KATNBL1: variants seen among roughly 807,000 people sequenced by gnomAD.
KATNBL1 encodes the protein KATNB1-like protein 1.
A neutral mutation model predicts 44.7 loss-of-function variants in KATNBL1; 28 were observed. The ratio of observed to expected loss-of-function variants is 0.63; its 90% CI spans 0.46 to 0.86. The LOEUF (loss-of-function observed/expected upper bound fraction) is 0.86, where lower values mean the gene tolerates loss of function less well. KATNBL1 is among the 40% of genes least tolerant of loss of function. The pLI is 0.00. For synonymous variants in KATNBL1, 78 were observed against 114.9 expected, an observed-to-expected ratio of 0.68 and a Z score of 2.06; for missense variants, 272 against 350.7, an observed-to-expected ratio of 0.78 and a Z score of 1.79.
intron 1 of KATNBL1, chr15:34,178,013 C>T (rs1044967749): frequency 6.6e-6 from 1 of 152,068 alleles, no homozygotes; most frequent in Non-Finnish European, 1.5e-5. Flanking sequence ...TAATACAATA[C>T]ATAAATAAGA....
At chr15:34,172,746 GAC>G (rs751000596) in intron 1 of KATNBL1, among the ~76,000 whole-genome samples, 10 of 112,290 alleles carry the variant, frequency 8.9e-5, no homozygotes, top group Non-Finnish European at 7.1e-5. Flanking sequence ...CAGACACATA[GAC>G]ACACAGACAC....
At position 34,163,562 on chromosome 15, in the gene KATNBL1, C is replaced by T. The variant is rs535651317; in HGVS notation, c.115G>A (p.Glu39Lys). 7.5e-6 allele frequency: 12 copies of T among 1,594,186 alleles called. No individual in the cohort carries two copies. The African/African-American group carries it at 1.2e-4, about 16-fold the overall frequency. Residue 39 changes from glutamate to lysine, a missense_variant and splice_region_variant, in exon 2 of 10, where the codon GAG becomes AAG. Physicochemically the swap from Glu to Lys is moderately conservative, Grantham distance 56. This residue lies in a region of KATNBL1 where 122 missense variants were observed against 125.0 expected (regional missense o/e 0.98). Coordinates refer to ENST00000256544, the MANE Select transcript of KATNBL1 (RefSeq NM_024713.3). ...ISNFTNKNMK[E>K]VKKSPKQLAA... ...TTTTCTAGAAACCATAGACTTACCT[C>T]CTTCATGTTCTTATTAGTGAAATTA...
intron 2 of KATNBL1, among the ~76,000 whole-genome samples, chr15:34,161,268 T>C (rs989278448): frequency 2.0e-5 from 3 of 152,160 alleles, no homozygotes; most frequent in African/African-American, 7.2e-5. Flanking sequence ...TCCCCCAAGT[T>C]GTTGGTCTGT....
intron 1 of KATNBL1, among the ~76,000 whole-genome samples, chr15:34,164,390 T>TGTTTGACCCTTA (rs1888902115): frequency 6.6e-6 from 1 of 152,174 alleles, no homozygotes; most frequent in Non-Finnish European, 1.5e-5. Context: ...ACTAAATCAC[T>TGTTTGACCCTTA]GGGTCAAAAC....
chr15:34,181,231 G>T (rs1889515308), intron 1 of KATNBL1, among the ~76,000 whole-genome samples: 1 of 151,872 alleles, frequency 6.6e-6, no homozygotes, highest in South Asian at 2.1e-4. Flanking sequence ...TATTAAAAAG[G>T]CCCTAAGAAG....
chr15:34,199,089 C>T (rs1475911625), intron 1 of KATNBL1, among the ~76,000 whole-genome samples: 1 of 152,084 alleles, frequency 6.6e-6, no homozygotes, highest in Non-Finnish European at 1.5e-5. Flanking sequence ...AAAAGGGTAC[C>T]CCATCAGGTT....
chr15:34,184,576 C>CTTTTCTTTTTTTTT (rs760395860), intron 1 of KATNBL1, among the ~76,000 whole-genome samples: 1,177 of 95,094 alleles, frequency 0.012, 2 homozygotes, highest in Middle Eastern at 0.021. Context: ...CCTAATGTTT[C>CTTTTCTTTTTTTTT]TTTTTTTTTT....
At chr15:34,147,495 G>T in intron 5 of KATNBL1, 65 bp from the exon 6 acceptor site, 2 of 1,256,470 alleles carry the variant, frequency 1.6e-6, no homozygotes, top group Non-Finnish European at 2.3e-6. Flanking sequence ...TTCATATTAT[G>T]ATTATTCACA....
chr15:34,168,683 T>C (rs992726024), intron 1 of KATNBL1, among the ~76,000 whole-genome samples: 8 of 152,198 alleles, frequency 5.3e-5, no homozygotes, highest in African/African-American at 1.9e-4. Flanking sequence ...GACCACATAG[T>C]TGGAAGTAAA....
intron 1 of KATNBL1, among the ~76,000 whole-genome samples, chr15:34,198,813 A>G (rs1890092905): frequency 6.6e-6 from 1 of 152,250 alleles, no homozygotes. Context: ...TTGTAGTCAA[A>G]AAGTAACAAG....
intron 1 of KATNBL1, among the ~76,000 whole-genome samples, chr15:34,207,301 T>C (rs1390364507): frequency 6.6e-6 from 1 of 152,162 alleles, no homozygotes; most frequent in Admixed American, 6.5e-5. Flanking sequence ...CTCTGCCTCC[T>C]GGGTTCAACC....
At chr15:34,189,882 G>T in intron 1 of KATNBL1, among the ~76,000 whole-genome samples, 1 of 151,546 alleles carries the variant, frequency 6.6e-6, no homozygotes, top group East Asian at 1.9e-4. Context: ...GGAAGTGTAT[G>T]TATTCAATCC....
At chr15:34,207,107 A>T (rs1308311069) in intron 1 of KATNBL1, among the ~76,000 whole-genome samples, 1 of 148,978 alleles carries the variant, frequency 6.7e-6, no homozygotes, top group Non-Finnish European at 1.5e-5. Flanking sequence ...TGATATGATC[A>T]TGGCTCACTG....
At chr15:34,168,948 C>T (rs532965569) in intron 1 of KATNBL1, among the ~76,000 whole-genome samples, 33 of 151,928 alleles carry the variant, frequency 2.2e-4, no homozygotes, top group Non-Finnish European at 4.7e-4. Flanking sequence ...AGTGTGTAGC[C>T]GGAAATTTAT....
intron 1 of KATNBL1, among the ~76,000 whole-genome samples, chr15:34,174,579 GT>G (rs1275671035): frequency 6.6e-6 from 1 of 152,004 alleles, no homozygotes; most frequent in Non-Finnish European, 1.5e-5. Context: ...ATTATACGTT[GT>G]CCACAAGAAA....
At position 34,154,642 on chromosome 15, in the gene KATNBL1, A is replaced by T; in HGVS notation, c.158+2T>A. ...CCCCACAAACTTTAAAGAAACTCTT[A>T]CCTATTTATGTAAGCAGCCAACTGT... On this transcript the variant is annotated splice_donor_variant, in intron 3 of 9. Coordinates refer to ENST00000256544, the MANE Select transcript of KATNBL1 (RefSeq NM_024713.3). LOFTEE classifies it high-confidence loss of function. The T allele has an allele frequency of 6.4e-7, 1 of 1,566,616 alleles. No individual in the cohort carries two copies. Among genetic ancestry groups the T allele is most frequent in the Non-Finnish European group, 8.8e-7 (1 of 1,136,912 alleles).
intron 4 of KATNBL1, among the ~76,000 whole-genome samples, chr15:34,150,466 T>A (rs1888434610): frequency 2.0e-5 from 3 of 152,114 alleles, no homozygotes; most frequent in Admixed American, 6.5e-5. Context: ...TGGTGGCACA[T>A]GCCTGTAGTC....
intron 1 of KATNBL1, among the ~76,000 whole-genome samples, chr15:34,190,625 A>C (rs1268629100): frequency 6.6e-6 from 1 of 152,210 alleles, no homozygotes; most frequent in Non-Finnish European, 1.5e-5. Context: ...AAAACAGTTA[A>C]AGAAGGTAAT....
chr15:34,147,377 T>C lies in KATNBL1; in HGVS notation c.608+3A>G. 6.2e-7 allele frequency: 1 copy of C among 1,612,466 alleles called. No homozygotes were observed. Among genetic ancestry groups the C allele is most frequent in the Non-Finnish European group, 8.5e-7 (1 of 1,178,582 alleles). ...TTTTTTTTCTGAAAAATATTGTTTT[T>C]ACCAATTGGTGAGCACAGGAAGGCA... On this transcript the variant is annotated splice_donor_region_variant and intron_variant, in intron 6 of 9. Coordinates refer to ENST00000256544, the MANE Select transcript of KATNBL1 (RefSeq NM_024713.3).
Sources: allele counts gnomAD v4.1 joint callset (sites outside exome capture counted in the v4.1 genomes callset), GRCh38; gene constraint gnomAD v4.1.1; regional missense constraint gnomAD v4.1.1; transcripts MANE v1.5; gene names NCBI Gene and HGNC (gene_info 2026-07-23, HGNC 2026-07-21).